Variants in MGAM2 observed in about 807,000 individuals in gnomAD.
MGAM2 encodes probable maltase-glucoamylase 2.
Under a neutral mutation model 96.1 loss-of-function variants are expected in MGAM2, and 98 were observed. The ratio of observed to expected loss-of-function variants is 1.02; its 90% CI spans 0.87 to 1.21. MGAM2 has a LOEUF of 1.21. Ranked by LOEUF, MGAM2 falls within the 50% of genes most tolerant of loss-of-function variation. The probability of loss-of-function intolerance (pLI) is 0.00; values close to 1 mark genes in which losing one functional copy is unlikely to be tolerated. For synonymous variants in MGAM2, 749 were observed against 414.8 expected (o/e 1.81, Z -9.79); for missense variants, 2,055 against 1,182.4 (o/e 1.74, Z -10.82).
intron 15 of MGAM2, among the ~76,000 whole-genome samples, chr7:142,153,034 C>T (rs1327756142): frequency 2.1e-5 from 3 of 145,364 alleles, no homozygotes; most frequent in Non-Finnish European, 4.5e-5. Flanking sequence ...CTTGCTCTGT[C>T]GCCCAGGCTG....
chr7:142,189,232 C>T (rs1796795011), intron 36 of MGAM2, 135 bp from the exon 37 acceptor site: 2 of 551,662 alleles, frequency 3.6e-6, no homozygotes, highest in Non-Finnish European at 6.4e-6. Context: ...TTTCTATAGA[C>T]TAAAACCTCA....
At chr7:142,190,824 A>G (rs953217517) in intron 37 of MGAM2, among the ~76,000 whole-genome samples, 1 of 152,040 alleles carries the variant, frequency 6.6e-6, no homozygotes, top group African/African-American at 2.4e-5. Flanking sequence ...TTTTGATAGA[A>G]TCATTTTTTT....
At chr7:142,144,436 TC>T (rs1795326130) in intron 13 of MGAM2, among the ~76,000 whole-genome samples, 1 of 152,198 alleles carries the variant, frequency 6.6e-6, no homozygotes, top group East Asian at 1.9e-4. Context: ...ATAGATTTGA[TC>T]TTAATTATAT....
chr7:142,132,817 A>G (rs1376465075), intron 6 of MGAM2, among the ~76,000 whole-genome samples: 3 of 127,592 alleles, frequency 2.4e-5, no homozygotes, highest in Non-Finnish European at 4.6e-5. Context: ...ATAATATAAT[A>G]TATAATTATA....
intron 3 of MGAM2, among the ~76,000 whole-genome samples, chr7:142,124,287 T>C (rs951198371): frequency 2.6e-5 from 4 of 152,058 alleles, no homozygotes; most frequent in African/African-American, 9.7e-5. Flanking sequence ...ACGTTTTTTT[T>C]CTTGAATTTT....
chr7:142,213,496 C>A (rs192656651), intron 46 of MGAM2, among the ~76,000 whole-genome samples: 141 of 151,840 alleles, frequency 9.3e-4, no homozygotes, highest in African/African-American at 3.3e-3. Flanking sequence ...AGGAGATCAC[C>A]GCTGATCCCA....
chr7:142,150,067 G>C (rs971013827), intron 15 of MGAM2, among the ~76,000 whole-genome samples: 1 of 151,284 alleles, frequency 6.6e-6, no homozygotes, highest in Non-Finnish European at 1.5e-5. Flanking sequence ...TCAGGCTCCT[G>C]AGTAGCTAGG....
At position 142,153,998 on chromosome 7, in the gene MGAM2, C is replaced by T. The variant is rs1486245962; in HGVS notation, c.1635-20C>T. 1.6e-6 allele frequency: 1 copy of T among 617,020 alleles called. No homozygotes were observed. Among genetic ancestry groups the T allele is most frequent in the African/African-American group, 1.8e-5 (1 of 56,180 alleles). The allele number at this position is 617,020 out of a possible 1,614,324, so 38.2% of individuals were successfully genotyped here. A position where few individuals can be genotyped will look rare whatever the true frequency, so the allele number is the denominator to read the frequency against. On this transcript the variant is annotated intron_variant, in intron 15 of 47. Transcript: ENST00000477922. ...CATTCACAGCCCACCTCACACTCCA[C>T]TGGATGTATTCCTTTCCAGAGCCCT...
intron 34 of MGAM2, among the ~76,000 whole-genome samples, chr7:142,185,669 A>T (rs1351269976): frequency 6.6e-6 from 1 of 152,230 alleles, no homozygotes; most frequent in Non-Finnish European, 1.5e-5. Context: ...AGTAAAAAAA[A>T]AAAAGAAAAA....
intron 45 of MGAM2, chr7:142,208,142 GA>G (rs1797465952): frequency 2.2e-6 from 1 of 458,532 alleles, no homozygotes; most frequent in Admixed American, 2.3e-5. Context: ...TTAAGTACAA[GA>G]GTTGGGATTT....
intron 13 of MGAM2, 50 bp from the exon 14 acceptor site, chr7:142,144,811 A>C: frequency 1.5e-6 from 1 of 680,110 alleles, no homozygotes; most frequent in Non-Finnish European, 2.7e-6. Flanking sequence ...CTCAACAGCT[A>C]AATGTAGCTC....
At chr7:142,166,569 A>G (rs540249754) in intron 25 of MGAM2, among the ~76,000 whole-genome samples, 3 of 152,306 alleles carry the variant, frequency 2.0e-5, no homozygotes, top group African/African-American at 7.2e-5. Flanking sequence ...CAGGAAGGGT[A>G]AGGTCAGGCT....
At chr7:142,188,440 A>AT (rs1458051622) in intron 36 of MGAM2, among the ~76,000 whole-genome samples, 1 of 151,398 alleles carries the variant, frequency 6.6e-6, no homozygotes, top group African/African-American at 2.5e-5. Context: ...AGTGAGACCC[A>AT]TAAAAAAAAA....
chr7:142,164,929 TC>T lies in MGAM2; in HGVS notation c.2559del (p.Leu854TrpfsTer14). 1 of 702,768 alleles carries T rather than the reference TC, an allele frequency of 1.4e-6. No individual in the cohort carries two copies. The highest frequency in any genetic ancestry group is 1.5e-5 in the South Asian group (1 of 67,578). 43.5% of individuals were successfully genotyped at this position (702,768 alleles called of 1,614,324 possible). ...AACCTCATGTTCACAGATATCACAA[TC>T]TTGGGAATGGACAAACAGCCAGCTA... Reference protein sequence around the residue: ...TDNLMFTDITILGMDKQPANF... With the variant: ...TDNLMFTDITXLGMDKQPANF... On this transcript the variant is annotated frameshift_variant, in exon 24 of 48. Coordinates refer to ENST00000477922, the MANE Select transcript of MGAM2 (RefSeq NM_001293626.2). LOFTEE classifies it high-confidence loss of function.
chr7:142,131,167 T>A (rs1007633532), intron 4 of MGAM2, 96 bp downstream of exon 4: 3 of 654,352 alleles, frequency 4.6e-6, no homozygotes, highest in East Asian at 2.7e-5. Context: ...CAGGCAGGCG[T>A]GGTGGCTCAC....
chr7:142,202,562 T>C (rs545557334), intron 45 of MGAM2, among the ~76,000 whole-genome samples: 7 of 152,260 alleles, frequency 4.6e-5, no homozygotes, highest in African/African-American at 1.4e-4. Flanking sequence ...AGTAAGAAAA[T>C]GCATTATTTG....
intron 3 of MGAM2, among the ~76,000 whole-genome samples, chr7:142,124,204 C>T (rs1447708595): frequency 6.6e-6 from 1 of 151,944 alleles, no homozygotes; most frequent in Admixed American, 6.6e-5. Flanking sequence ...GAACTCCTGA[C>T]CTTGTGATCC....
chr7:142,183,848 A>G (rs1448883065), intron 33 of MGAM2, among the ~76,000 whole-genome samples: 3 of 148,276 alleles, frequency 2.0e-5, no homozygotes, highest in Admixed American at 6.8e-5. Flanking sequence ...TGGCAATAGC[A>G]TTTTAGGTGG....
At chr7:142,200,074 C>T (rs558847781) in intron 45 of MGAM2, 106 bp downstream of exon 45, 10 of 493,992 alleles carry the variant, frequency 2.0e-5, no homozygotes, top group African/African-American at 2.0e-4. Flanking sequence ...TGCCTATTGT[C>T]AATAAGGCAA....
Sources: allele counts gnomAD v4.1 joint callset (sites outside exome capture counted in the v4.1 genomes callset), GRCh38; gene constraint gnomAD v4.1.1; transcripts MANE v1.5; gene names NCBI Gene and HGNC (gene_info 2026-07-23, HGNC 2026-07-21).